The following CTNNA2 variants were observed in gnomAD, a reference collection of about 807,000 sequenced individuals.
CTNNA2 encodes the protein catenin alpha 2, also known as catenin alpha-2.
Under a neutral mutation model 101.0 loss-of-function variants are expected in CTNNA2, and 42 were observed. The ratio of observed to expected loss-of-function variants is 0.42; its 90% CI spans 0.32 to 0.54. CTNNA2 has a LOEUF of 0.54. Ranked by LOEUF, CTNNA2 falls within the 20% of genes least tolerant of loss-of-function variation. The pLI is 0.14. For missense variants in CTNNA2, 871 were observed against 1,223.1 expected, an observed-to-expected ratio of 0.71 and a Z score of 4.29; for synonymous variants, 450 against 456.4, an observed-to-expected ratio of 0.99 and a Z score of 0.18.
At chr2:79,599,037 A>G (rs916850057) in intron 1 of CTNNA2, among the ~76,000 whole-genome samples, 2 of 152,100 alleles carry the variant, frequency 1.3e-5, no homozygotes, top group South Asian at 2.1e-4. Flanking sequence ...AGTTTTTCCA[A>G]CACCACTTTT....
chr2:79,682,455 A>ATAT, intron 2 of CTNNA2, among the ~76,000 whole-genome samples: 1 of 150,894 alleles, frequency 6.6e-6, no homozygotes, highest in Admixed American at 6.6e-5. Flanking sequence ...ATCTGAATCT[A>ATAT]TATTGGTTTG....
chr2:80,484,674 A>C (rs1686408718), intron 9 of CTNNA2, among the ~76,000 whole-genome samples: 1 of 152,190 alleles, frequency 6.6e-6, no homozygotes, highest in Admixed American at 6.5e-5. Context: ...GATAATGTAC[A>C]TACTTATAAT....
At chr2:80,113,320 G>A (rs750896580) in intron 7 of CTNNA2, among the ~76,000 whole-genome samples, 3 of 152,184 alleles carry the variant, frequency 2.0e-5, no homozygotes, top group African/African-American at 7.2e-5. Flanking sequence ...TTTTAAATGC[G>A]TTAATCACAA....
chr2:80,207,309 T>C (rs967160435), intron 7 of CTNNA2, among the ~76,000 whole-genome samples: 1 of 152,184 alleles, frequency 6.6e-6, no homozygotes, highest in African/African-American at 2.4e-5. Flanking sequence ...ATGGAGATGA[T>C]GATAGCTATA....
At chr2:80,351,057 C>A (rs989849489) in intron 7 of CTNNA2, among the ~76,000 whole-genome samples, 2 of 152,110 alleles carry the variant, frequency 1.3e-5, no homozygotes, top group African/African-American at 4.8e-5. Flanking sequence ...CTCTAACAGT[C>A]ACTTATATGC....
intron 7 of CTNNA2, among the ~76,000 whole-genome samples, chr2:80,133,285 C>T (rs780796950): frequency 3.7e-4 from 56 of 152,226 alleles, no homozygotes; most frequent in African/African-American, 1.2e-3. Flanking sequence ...TCTGAGGGAG[C>T]GTGGACCTGC....
chr2:80,384,460 TAGG>T (rs2149353923), intron 7 of CTNNA2, among the ~76,000 whole-genome samples: 1 of 148,142 alleles, frequency 6.8e-6, no homozygotes. Context: ...AAAAAGGAAA[TAGG>T]AGTTCAGTAA....
At chr2:79,777,511 C>CT (rs1202977822) in intron 3 of CTNNA2, among the ~76,000 whole-genome samples, 2 of 152,124 alleles carry the variant, frequency 1.3e-5, no homozygotes, top group Non-Finnish European at 2.9e-5. Context: ...TTGATAATTA[C>CT]TAGAACAGGA....
At chr2:79,698,107 C>A (rs540125411) in intron 2 of CTNNA2, among the ~76,000 whole-genome samples, 25 of 152,106 alleles carry the variant, frequency 1.6e-4, no homozygotes, top group African/African-American at 5.5e-4. Context: ...GCTGTGATAA[C>A]ATATATGTAA....
At chr2:80,071,389 T>C (rs73940931) in intron 7 of CTNNA2, among the ~76,000 whole-genome samples, 2,804 of 152,314 alleles carry the variant, frequency 0.018, 78 homozygotes, top group African/African-American at 0.063. Flanking sequence ...AAAGCTTCTC[T>C]AAGTTTTTAC....
intron 3 of CTNNA2, chr2:79,373,804 T>TA (rs1677925718): frequency 6.6e-6 from 1 of 152,170 alleles, no homozygotes; most frequent in African/African-American, 2.4e-5. Context: ...AACCTGTTGA[T>TA]ATGAGTGTTA....
intron 7 of CTNNA2, among the ~76,000 whole-genome samples, chr2:80,272,601 T>G (rs1673587751): frequency 6.6e-6 from 1 of 152,190 alleles, no homozygotes; most frequent in Non-Finnish European, 1.5e-5. Flanking sequence ...TTATGCCCCT[T>G]CTTCATCTCT....
chr2:79,493,790 C>G (rs1230805818), intron 4 of CTNNA2: 1 of 152,174 alleles, frequency 6.6e-6, no homozygotes, highest in Admixed American at 6.5e-5. Flanking sequence ...AAGAAGACAC[C>G]TTGGCTTTTG....
chr2:80,510,181 T>A (rs977947509), intron 9 of CTNNA2, among the ~76,000 whole-genome samples: 23 of 152,196 alleles, frequency 1.5e-4, no homozygotes, highest in African/African-American at 5.3e-4. Flanking sequence ...ATACTTAAAC[T>A]TTTTTAGTCT....
chr2:80,499,563 C>T (rs985929346), intron 9 of CTNNA2, among the ~76,000 whole-genome samples: 4 of 151,872 alleles, frequency 2.6e-5, no homozygotes, highest in Non-Finnish European at 4.4e-5. Context: ...TGGTTCATGC[C>T]TGTAATCCCA....
At chr2:79,409,444 A>G (rs974303484) in intron 4 of CTNNA2, among the ~76,000 whole-genome samples, 17 of 152,118 alleles carry the variant, frequency 1.1e-4, no homozygotes, top group Non-Finnish European at 1.6e-4. Flanking sequence ...TCTAACATTT[A>G]AGTCTTTAAT....
At chr2:79,896,076 A>G (rs1428550708) in intron 6 of CTNNA2, among the ~76,000 whole-genome samples, 1 of 152,022 alleles carries the variant, frequency 6.6e-6, no homozygotes, top group Non-Finnish European at 1.5e-5. Context: ...TGAGTCTGGG[A>G]GGTCGAAACC....
At chr2:80,053,584 C>A (rs13394835) in intron 7 of CTNNA2, among the ~76,000 whole-genome samples, 21,653 of 152,212 alleles carry the variant, frequency 0.14, 1,750 homozygotes, top group South Asian at 0.3. Context: ...TTCAAACTGT[C>A]AACAGTGCAA....
At chr2:80,367,562 T>TATGACC in intron 7 of CTNNA2, among the ~76,000 whole-genome samples, 1 of 152,276 alleles carries the variant, frequency 6.6e-6, no homozygotes, top group African/African-American at 2.4e-5. Flanking sequence ...GCAGCTACCC[T>TATGACC]ATGACCAATA....
Sources: gnomAD v4.1 joint callset for allele counts (sites outside exome capture counted in the v4.1 genomes callset) on GRCh38, gnomAD v4.1.1 for gene constraint, MANE v1.5 for transcripts, NCBI Gene and HGNC (gene_info 2026-07-23, HGNC 2026-07-21) for gene names.